Variants in RANBP2 observed in about 807,000 individuals in gnomAD.
The protein encoded by RANBP2 is RAN binding protein 2.
Under a neutral mutation model 303.6 loss-of-function variants are expected in RANBP2, and 57 were observed. The ratio of observed to expected loss-of-function variants is 0.19; its 90% CI spans 0.15 to 0.23. The LOEUF (loss-of-function observed/expected upper bound fraction) is 0.23. Ranked by LOEUF, RANBP2 falls within the 10% of genes least tolerant of loss-of-function variation. The pLI is 1.00. For missense variants in RANBP2, 3,138 were observed against 3,780.8 expected (o/e 0.83, Z 4.46); for synonymous variants, 1,167 against 1,301.5 (o/e 0.90, Z 2.23).
the RANBP2 span, among the ~76,000 whole-genome samples, chr2:109,023,951 G>C: frequency 6.6e-6 from 1 of 152,030 alleles, no homozygotes; most frequent in Non-Finnish European, 1.5e-5. Flanking sequence ...TTGAGACGGA[G>C]TTTCACTCTT....
At chr2:108,917,219 G>A in the RANBP2 span, among the ~76,000 whole-genome samples, 3 of 152,156 alleles carry the variant, frequency 2.0e-5, no homozygotes, top group African/African-American at 2.4e-5. Context: ...AGCAACGCGC[G>A]GCTCGTGTGG....
At chr2:108,815,699 C>A in the RANBP2 span, among the ~76,000 whole-genome samples, 1 of 151,996 alleles carries the variant, frequency 6.6e-6, no homozygotes, top group Non-Finnish European at 1.5e-5. Flanking sequence ...TAGGGAACTT[C>A]AGGTGATCCA....
the RANBP2 span, among the ~76,000 whole-genome samples, chr2:108,952,170 G>A: frequency 2.0e-5 from 3 of 152,204 alleles, no homozygotes; most frequent in East Asian, 1.9e-4. Flanking sequence ...ACCTGAAAGA[G>A]GGGAGAGAAT....
chr2:108,890,333 C>G, the RANBP2 span, among the ~76,000 whole-genome samples: 1 of 150,626 alleles, frequency 6.6e-6, no homozygotes, highest in Admixed American at 6.7e-5. Context: ...CAGCCTCTGC[C>G]TCCCAGGCTT....
At chr2:109,278,274 G>A in the RANBP2 span, among the ~76,000 whole-genome samples, 8 of 152,260 alleles carry the variant, frequency 5.3e-5, no homozygotes, top group East Asian at 1.9e-4. Context: ...GCACTTTATC[G>A]GCAGGGCCCC....
chr2:109,176,183 A>G, the RANBP2 span, among the ~76,000 whole-genome samples: 3 of 152,278 alleles, frequency 2.0e-5, no homozygotes, highest in South Asian at 2.1e-4. Flanking sequence ...CCAACATACA[A>G]CCAGTGGGGG....
At chr2:108,721,479 G>A (rs1403969570) in intron 1 of RANBP2, among the ~76,000 whole-genome samples, 3 of 152,108 alleles carry the variant, frequency 2.0e-5, no homozygotes, top group Non-Finnish European at 2.9e-5. Context: ...GTCTCACTCT[G>A]TCACCCAGCT....
At chr2:109,717,411 G>A in the RANBP2 span, among the ~76,000 whole-genome samples, 11 of 151,170 alleles carry the variant, frequency 7.3e-5, no homozygotes, top group East Asian at 1.4e-3. Flanking sequence ...GTGAAATCCC[G>A]TCTCAACTAA....
the RANBP2 span, among the ~76,000 whole-genome samples, chr2:109,622,099 C>A: frequency 2.0e-5 from 3 of 152,042 alleles, no homozygotes; most frequent in Non-Finnish European, 2.9e-5. Flanking sequence ...ACTATATATA[C>A]CCGATGAGGT....
the RANBP2 span, among the ~76,000 whole-genome samples, chr2:109,209,754 A>G: frequency 6.6e-6 from 1 of 152,188 alleles, no homozygotes; most frequent in Non-Finnish European, 1.5e-5. Context: ...GGTGAGAGTA[A>G]ATGGTTTGTT....
At chr2:109,030,758 T>C in the RANBP2 span, among the ~76,000 whole-genome samples, 1 of 152,150 alleles carries the variant, frequency 6.6e-6, no homozygotes, top group Non-Finnish European at 1.5e-5. Flanking sequence ...GTTGTTGTTG[T>C]TGTTGTTTGT....
chr2:109,213,993 C>T, the RANBP2 span, among the ~76,000 whole-genome samples: 3 of 152,098 alleles, frequency 2.0e-5, no homozygotes, highest in African/African-American at 4.8e-5. Flanking sequence ...ATTGGGTGGA[C>T]GTGGCGGGCA....
At chr2:109,460,726 T>C in the RANBP2 span, among the ~76,000 whole-genome samples, 3 of 152,224 alleles carry the variant, frequency 2.0e-5, no homozygotes, top group African/African-American at 7.2e-5. Context: ...TCACCAATTT[T>C]CCAATTATGT....
chr2:108,938,247 G>A, the RANBP2 span, among the ~76,000 whole-genome samples: 2 of 152,282 alleles, frequency 1.3e-5, no homozygotes, highest in East Asian at 3.9e-4. Flanking sequence ...AACCAGTGAC[G>A]ATGATAATTT....
In RANBP2 at chr2:108,763,317, G is replaced by A; in HGVS notation, c.2778G>A (p.Val926=). ...CGCAACAGATGCACACACCGCCAGT[G>A]CAAAGCTCATCTGCTTGTATGTTCT... ...AYPQQMHTPP[V]QSSSACMFSQ... is the part of the protein sequence containing the mutation. Residue 926 remains valine, a synonymous_variant, in exon 20 of 29, where the codon GTG becomes GTA. Transcript: ENST00000283195. The A allele has an allele frequency of 1.2e-6, 2 of 1,613,982 alleles. No homozygotes were observed. Among genetic ancestry groups the A allele is most frequent in the South Asian group, 1.1e-5 (1 of 91,078 alleles).
chr2:108,856,109 T>C, the RANBP2 span, among the ~76,000 whole-genome samples: 4 of 152,334 alleles, frequency 2.6e-5, no homozygotes, highest in African/African-American at 9.6e-5. Flanking sequence ...TTGCAATGAT[T>C]CTGCTTAAAT....
the RANBP2 span, among the ~76,000 whole-genome samples, chr2:109,017,650 A>G: frequency 3.9e-5 from 6 of 152,154 alleles, no homozygotes; most frequent in East Asian, 1.2e-3. Flanking sequence ...TTTTGTAACA[A>G]TTTATTTATT....
chr2:109,137,714 G>T, the RANBP2 span, among the ~76,000 whole-genome samples: 2 of 152,198 alleles, frequency 1.3e-5, no homozygotes, highest in Non-Finnish European at 2.9e-5. Context: ...TTCAGTAAAT[G>T]GTTGCAGGTT....
At chr2:109,006,002 G>A in the RANBP2 span, among the ~76,000 whole-genome samples, 2 of 152,258 alleles carry the variant, frequency 1.3e-5, no homozygotes, top group South Asian at 2.1e-4. Flanking sequence ...AGTGGGTCAC[G>A]TGAGAGGTTC....
Sources: gnomAD v4.1 joint callset for allele counts (sites outside exome capture counted in the v4.1 genomes callset) on GRCh38, gnomAD v4.1.1 for gene constraint, MANE v1.5 for transcripts, NCBI Gene and HGNC (gene_info 2026-07-23, HGNC 2026-07-21) for gene names.